Variants in HLTF observed in about 807,000 individuals in gnomAD.
HLTF encodes the protein DNA-dependent ATPase/E3 ubiquitin-protein ligase HLTF.
Under a neutral mutation model 129.4 loss-of-function variants are expected in HLTF, and 127 were observed. The observed-to-expected ratio is 0.98, with a 90% CI of 0.85 to 1.14. HLTF has a LOEUF of 1.14. HLTF is among the 50% of genes most tolerant of loss of function. The probability of loss-of-function intolerance (pLI) is 0.00; values close to 1 mark genes in which losing one functional copy is unlikely to be tolerated. For missense variants in HLTF, 1,139 were observed against 1,187.1 expected, an observed-to-expected ratio of 0.96 and a Z score of 0.60; for synonymous variants, 332 against 388.8, an observed-to-expected ratio of 0.85 and a Z score of 1.72.
chr3:149,055,075 G>C lies in HLTF; in HGVS notation c.1473+228C>G, dbSNP rs79794258. 1.0e-3 allele frequency among the ~76,000 whole-genome samples: 158 copies of C among 152,270 alleles called. 2 individuals are homozygous for C. The East Asian group carries it at 0.024, about 23-fold the overall frequency. On this transcript the variant is annotated intron_variant, in intron 14 of 24. Coordinates refer to ENST00000310053, the MANE Select transcript of HLTF (RefSeq NM_003071.4). The stretch of plus-strand genomic sequence containing the variant: ...GGCAGAAATACAAACCAAATCTTAT[G>C]TTAGCAATTGATTATGTTCCTTTAC...
At chr3:149,075,806 TA>T in intron 3 of HLTF, 74 bp downstream of exon 3, 1 of 966,450 alleles carries the variant, frequency 1.0e-6, no homozygotes. Flanking sequence ...TTATAGGCTC[TA>T]ACAAGAAGCC....
chr3:149,046,148 A>G lies in HLTF; in HGVS notation c.2004T>C (p.Ile668=), dbSNP rs750785353. The part of the protein sequence containing the change: ...LPERKVFIQH[I]TLSDEERKIY... ...TCTTTCTCTCTTCATCTGAAAGTGT[A>G]ATGTGCTGAATAAATACTTTACGTT... Residue 668 remains isoleucine, a synonymous_variant, in exon 18 of 25, where the codon ATT becomes ATC. Coordinates refer to ENST00000310053, the MANE Select transcript of HLTF (RefSeq NM_003071.4). 18 of 1,610,796 alleles carry G rather than the reference A, an allele frequency of 1.1e-5. No individual in the cohort carries two copies. Among genetic ancestry groups the G allele is most frequent in the Non-Finnish European group, 1.4e-5 (16 of 1,178,106 alleles).
intron 2 of HLTF, among the ~76,000 whole-genome samples, chr3:149,081,310 A>G (rs1287751444): frequency 1.3e-5 from 2 of 151,860 alleles, no homozygotes; most frequent in Admixed American, 6.6e-5. Flanking sequence ...GAATAAGAAA[A>G]CACCAGAGTT....
chr3:149,077,284 A>T (rs2608003), intron 2 of HLTF, among the ~76,000 whole-genome samples: 44,328 of 150,080 alleles, frequency 0.3, 7,375 homozygotes, highest in Middle Eastern at 0.45. Flanking sequence ...ATAAATAAAT[A>T]AATAAATAAA....
chr3:149,085,248 T>C (rs1720256394), intron 1 of HLTF, among the ~76,000 whole-genome samples: 1 of 152,206 alleles, frequency 6.6e-6, no homozygotes, highest in South Asian at 2.1e-4. Context: ...CCCAGCACTT[T>C]GGGAGGCAGA....
rs1715890488 is a variant in HLTF, at chr3:149,039,090, A to G, written c.2755T>C (p.Leu919=). 1 of 1,609,950 alleles carries G rather than the reference A, an allele frequency of 6.2e-7. No homozygotes were observed. Among genetic ancestry groups the G allele is most frequent in the East Asian group, 2.2e-5 (1 of 44,676 alleles). Residue 919 remains leucine (L), a synonymous_variant, in exon 23 of 25, where the codon TTG becomes CTG. Coordinates refer to ENST00000310053, the MANE Select transcript of HLTF (RefSeq NM_003071.4). The part of the protein sequence containing the change: ...LLSLKAGGVG[L]NLSAASRVFL... ...ACTCGAGAAGCTGCAGACAGATTCA[A>G]ACCAACTCCACCTGCTTTTAAGGAC...
chr3:149,031,158 TAAAAAA>T lies in HLTF; in HGVS notation c.*1056_*1061del, dbSNP rs574784654. 25 of 145,212 alleles carry T rather than the reference TAAAAAA, an allele frequency of 1.7e-4. No homozygotes were observed. Among genetic ancestry groups the T allele is most frequent in the African/African-American group, 6.1e-4 (24 of 39,518 alleles). The allele number at this position is 145,212 out of a possible 1,614,324, so 9.0% of individuals were successfully genotyped here. ...ATAAGTTTGCTTATTAACAAAAAAG[TAAAAAA>T]AAAAGAAAAGAAAAAAGATGACTAA... On this transcript the variant is annotated 3_prime_UTR_variant, in exon 25 of 25. Transcript: ENST00000310053.
intron 10 of HLTF, chr3:149,063,042 T>C (rs548225385): frequency 3.5e-5 from 16 of 456,668 alleles, no homozygotes; most frequent in Non-Finnish European, 6.2e-5. Context: ...ATAAGGGTCA[T>C]GGTCATCTCT....
At chr3:149,061,706 C>T (rs558047564) in intron 10 of HLTF, among the ~76,000 whole-genome samples, 6 of 150,450 alleles carry the variant, frequency 4.0e-5, no homozygotes, top group East Asian at 2.0e-4. Flanking sequence ...TGTGGTGGTG[C>T]GTGCCTGTAG....
intron 2 of HLTF, among the ~76,000 whole-genome samples, chr3:149,082,683 A>G (rs1719974929): frequency 6.6e-6 from 1 of 151,914 alleles, no homozygotes; most frequent in Admixed American, 6.6e-5. Context: ...AATAAAGTAG[A>G]AAAAAAATTA....
chr3:149,043,985 A>G (rs1716335167), intron 18 of HLTF, among the ~76,000 whole-genome samples: 1 of 152,152 alleles, frequency 6.6e-6, no homozygotes, highest in Admixed American at 6.5e-5. Flanking sequence ...GGCAACAAAC[A>G]TTTCTGAATA....
intron 3 of HLTF, 96 bp downstream of exon 3, chr3:149,075,785 T>C (rs190376182): frequency 7.0e-4 from 475 of 681,804 alleles, no homozygotes; most frequent in Non-Finnish European, 9.9e-4. Context: ...ATAGAAATTG[T>C]TAGCATACCT....
At position 149,030,947 on chromosome 3, in the gene HLTF, CTTA is replaced by C. The variant is rs1714965741; in HGVS notation, c.*1270_*1272del. 6.6e-6 allele frequency: 1 copy of C among 152,192 alleles called. No individual in the cohort carries two copies. The highest frequency in any genetic ancestry group is 2.4e-5 in the African/African-American group (1 of 41,452). The allele number at this position is 152,192 out of a possible 1,614,324, so 9.4% of individuals were successfully genotyped here. ...TTTCTATCAAATGACTTCCAACACT[CTTA>C]AGTCTCAGGTATTCTTAAATCTGTA... On this transcript the variant is annotated 3_prime_UTR_variant, in exon 25 of 25. Transcript: ENST00000310053.
At position 149,063,044 on chromosome 3, in the gene HLTF, G is replaced by C. The variant is rs568435088; in HGVS notation, c.1160+387C>G. 1.4e-4 allele frequency: 66 copies of C among 456,500 alleles called. 2 individuals carry two copies. The highest frequency in any genetic ancestry group is 1.0e-3 in the South Asian group (66 of 64,544). The allele number at this position is 456,500 out of a possible 1,614,324, so 28.3% of individuals were successfully genotyped here. A position where few individuals can be genotyped will look rare whatever the true frequency, so the allele number is the denominator to read the frequency against. On this transcript the variant is annotated intron_variant, in intron 10 of 24. Coordinates refer to ENST00000310053, the MANE Select transcript of HLTF (RefSeq NM_003071.4). The stretch of plus-strand genomic sequence containing the variant: ...CTACTTAACAAATATAAGGGTCATG[G>C]TCATCTCTATCTCTCTCTTTTTCTT...
intron 2 of HLTF, among the ~76,000 whole-genome samples, chr3:149,081,694 A>T (rs1719890218): frequency 6.6e-6 from 1 of 152,200 alleles, no homozygotes; most frequent in Non-Finnish European, 1.5e-5. Flanking sequence ...GGCAGACATT[A>T]AAAAAATGGC....
At chr3:149,070,801 T>C (rs1718783956) in intron 7 of HLTF, among the ~76,000 whole-genome samples, 1 of 152,126 alleles carries the variant, frequency 6.6e-6, no homozygotes, top group South Asian at 2.1e-4. Flanking sequence ...CCCCAGCACT[T>C]TGGGAGGCCA....
intron 10 of HLTF, among the ~76,000 whole-genome samples, chr3:149,062,067 G>A (rs1718000592): frequency 1.3e-5 from 2 of 152,144 alleles, no homozygotes; most frequent in African/African-American, 4.8e-5. Flanking sequence ...TTTGTTATGT[G>A]ATTTTAAGTA....
chr3:149,056,796 G>A (rs1196128580), intron 13 of HLTF, among the ~76,000 whole-genome samples: 1 of 152,150 alleles, frequency 6.6e-6, no homozygotes, highest in Non-Finnish European at 1.5e-5. Flanking sequence ...GCAAATTTTT[G>A]TTAACCAAAC....
intron 2 of HLTF, among the ~76,000 whole-genome samples, chr3:149,077,259 T>C (rs1386007502): frequency 2.0e-5 from 3 of 147,174 alleles, no homozygotes; most frequent in African/African-American, 7.6e-5. Context: ...AATAAATAAA[T>C]AAATAAATAA....
Sources: gnomAD v4.1 joint callset for allele counts (sites outside exome capture counted in the v4.1 genomes callset) on GRCh38, gnomAD v4.1.1 for gene constraint, MANE v1.5 for transcripts, NCBI Gene and HGNC (gene_info 2026-07-23, HGNC 2026-07-21) for gene names.